ANAPC1: variants seen among roughly 807,000 people sequenced by gnomAD.
The protein encoded by ANAPC1 is anaphase promoting complex subunit 1.
In ANAPC1, 36 loss-of-function variants were observed where a neutral mutation model predicts 208.0. The observed-to-expected ratio is 0.17, with a 90% CI of 0.13 to 0.23. The LOEUF is 0.23. ANAPC1 is among the 10% of genes least tolerant of loss of function. The pLI is 1.00. For missense variants in ANAPC1, 942 were observed against 2,011.6 expected, an observed-to-expected ratio of 0.47 and a Z score of 10.17; for synonymous variants, 378 against 695.2, an observed-to-expected ratio of 0.54 and a Z score of 7.18.
At chr2:111,767,384 T>C (rs1321159620), downstream of ANAPC1, among the ~76,000 whole-genome samples, 1 of 150,918 alleles carries the variant, frequency 6.6e-6, no homozygotes, top group Non-Finnish European at 1.5e-5. Flanking sequence ...GTGAGAGCCA[T>C]ACCCTCAGGA....
chr2:111,824,738 T>C (rs1679736105), intron 24 of ANAPC1, among the ~76,000 whole-genome samples: 1 of 152,200 alleles, frequency 6.6e-6, no homozygotes, highest in Admixed American at 6.5e-5. Flanking sequence ...TCCAATTAAA[T>C]GGCAAATAAA....
At chr2:111,798,299 C>T (rs1461000796) in intron 34 of ANAPC1, among the ~76,000 whole-genome samples, 2 of 152,154 alleles carry the variant, frequency 1.3e-5, no homozygotes, top group Non-Finnish European at 2.9e-5. Flanking sequence ...ATGTATATAC[C>T]TGTGTTTACC....
Position 111,822,595 on chromosome 2 carries a change from T to G in ANAPC1, c.2818A>C (p.Thr940Pro). The change falls in exon 25 of 48, where the codon ACT becomes CCT. Residue 940 changes from threonine to proline, a missense_variant. Thr to Pro is a conservative substitution (Grantham distance 38). Coordinates refer to ENST00000341068, the MANE Select transcript of ANAPC1 (RefSeq NM_022662.4). ...LVVWMTNVGF[T>P]LRDLETLPFG... ...GGAAGAGTTTCCAAATCTCTTAAAGTGAATCCTAATGGTTAAAGGAAGAGA... is the reference window on the plus strand; with the variant it reads ...GGAAGAGTTTCCAAATCTCTTAAAGGGAATCCTAATGGTTAAAGGAAGAGA... 7.7e-7 allele frequency: 1 copy of G among 1,297,936 alleles called. No individual in the cohort carries two copies. The highest frequency in any genetic ancestry group is 1.1e-6 in the Non-Finnish European group (1 of 930,912). 80.4% of individuals were successfully genotyped at this position (1,297,936 alleles called of 1,614,324 possible). A position where few individuals can be genotyped will look rare whatever the true frequency, so the allele number is the denominator to read the frequency against.
intron 28 of ANAPC1, among the ~76,000 whole-genome samples, chr2:111,812,881 T>C (rs1412587910): frequency 2.6e-5 from 3 of 116,110 alleles, no homozygotes; most frequent in Non-Finnish European, 5.5e-5. Context: ...TCTCATTCTA[T>C]GACCGGCTGT....
chr2:111,837,604 C>A (rs1277088134), intron 18 of ANAPC1, among the ~76,000 whole-genome samples: 1 of 121,304 alleles, frequency 8.2e-6, no homozygotes, highest in Admixed American at 9.4e-5. Context: ...AGGCGAGACT[C>A]CGTCTCAAAA....
At position 111,850,815 on chromosome 2, in the gene ANAPC1, A is replaced by G; in HGVS notation, c.1611T>C (p.Thr537=). The G allele has an allele frequency of 1.2e-6, 2 of 1,611,980 alleles. No homozygotes were observed. The highest frequency in any genetic ancestry group is 4.5e-5 in the East Asian group (2 of 44,866). ...RPSTPLDGVS[T]PKPLSKLLGS... The stretch of plus-strand genomic sequence containing the variant: ...CAAGGAGTTTACTAAGAGGCTTTGG[A>G]GTACTAACGCCATCTAGTGGAGTAC... The change falls in exon 14 of 48, where the codon ACT becomes ACC. Residue 537 remains threonine (T), a synonymous_variant. Coordinates refer to ENST00000341068, the MANE Select transcript of ANAPC1 (RefSeq NM_022662.4).
chr2:111,845,771 G>A (rs1465668869), intron 16 of ANAPC1, among the ~76,000 whole-genome samples: 1 of 151,948 alleles, frequency 6.6e-6, no homozygotes, highest in Non-Finnish European at 1.5e-5. Flanking sequence ...TCAGGAGATC[G>A]AGACTATCCT....
chr2:111,767,697 G>A lies in ANAPC1; in HGVS notation c.*1594C>T, dbSNP rs1191976928. The A allele has an allele frequency of 1.6e-5, 2 of 125,756 alleles. No individual in the cohort carries two copies. Among genetic ancestry groups the A allele is most frequent in the East Asian group, 2.3e-4 (1 of 4,414 alleles). 7.8% of individuals were successfully genotyped at this position (125,756 alleles called of 1,614,324 possible). ...CACACAATCGTAAACAACGGAGAGTGAAGACAGTAACAACTGGTTTGATAT... is the reference window on the plus strand; with the variant it reads ...CACACAATCGTAAACAACGGAGAGTAAAGACAGTAACAACTGGTTTGATAT... On this transcript the variant is annotated 3_prime_UTR_variant, in exon 48 of 48. Coordinates refer to ENST00000341068, the MANE Select transcript of ANAPC1 (RefSeq NM_022662.4).
chr2:111,838,476 G>T lies in ANAPC1; in HGVS notation c.2077C>A (p.Pro693Thr). 1 of 1,606,280 alleles carries T rather than the reference G, an allele frequency of 6.2e-7. No homozygotes were observed. The highest frequency in any genetic ancestry group is 8.5e-7 in the Non-Finnish European group (1 of 1,177,652). ...FEGSLSPVIA[P>T]KKARPSETGS... ...GTCTCGGAAGGCCTTGCTTTTTTGG[G>T]CGCAATGACAGGAGAAAGTGATCCT... The change falls in exon 18 of 48, where the codon CCC becomes ACC. Residue 693 changes from proline to threonine, a missense_variant. Pro to Thr is a conservative substitution (Grantham distance 38). Coordinates refer to ENST00000341068, the MANE Select transcript of ANAPC1 (RefSeq NM_022662.4).
At chr2:111,770,201 T>TTATATATATATATA (rs3055943) in intron 47 of ANAPC1, among the ~76,000 whole-genome samples, 4 of 81,584 alleles carry the variant, frequency 4.9e-5, no homozygotes, top group Non-Finnish European at 6.9e-5. Flanking sequence ...TTGTTTAATT[T>TTATATATATATATA]TATATATATA....
intron 16 of ANAPC1, among the ~76,000 whole-genome samples, chr2:111,846,528 C>CATATACATATATATATATATATATAT (rs1681071682): frequency 1.0e-5 from 1 of 99,990 alleles, no homozygotes. Context: ...CATATATATA[C>CATATACATATATATATATATATATAT]ATATACATAT....
chr2:111,808,023 C>A (rs1403689442), intron 29 of ANAPC1, among the ~76,000 whole-genome samples: 1 of 146,662 alleles, frequency 6.8e-6, no homozygotes, highest in Non-Finnish European at 1.5e-5. Context: ...ATTATGGGTC[C>A]CAATCTTCAC....
chr2:111,846,995 C>A, intron 16 of ANAPC1, 143 bp downstream of exon 16: 1 of 649,890 alleles, frequency 1.5e-6, no homozygotes, highest in East Asian at 2.9e-5. Flanking sequence ...TCACAAAGCA[C>A]TCCCTAGCTC....
At chr2:111,824,723 A>T (rs187470655) in intron 24 of ANAPC1, among the ~76,000 whole-genome samples, 1 of 152,228 alleles carries the variant, frequency 6.6e-6, no homozygotes, top group East Asian at 1.9e-4. Context: ...CACAGCCTCA[A>T]ATGTTCCAAT....
intron 6 of ANAPC1, 32 bp downstream of exon 6, chr2:111,872,598 C>T: frequency 6.6e-7 from 1 of 1,513,844 alleles, no homozygotes; most frequent in Non-Finnish European, 9.2e-7. Context: ...AAATCCCAAG[C>T]AGTAATATTC....
chr2:111,843,234 G>A (rs1364818191), intron 17 of ANAPC1, among the ~76,000 whole-genome samples, 178 bp downstream of exon 17: 2 of 152,096 alleles, frequency 1.3e-5, no homozygotes, highest in African/African-American at 4.8e-5. Flanking sequence ...CTAGTAAAAT[G>A]TTAATATTAA....
At chr2:111,832,700 C>A (rs544608058) in intron 20 of ANAPC1, among the ~76,000 whole-genome samples, 1 of 151,972 alleles carries the variant, frequency 6.6e-6, no homozygotes, top group Admixed American at 6.6e-5. Context: ...GAGGCCGAGG[C>A]GGGTGGATCA....
At chr2:111,850,180 T>C (rs1252768828) in intron 14 of ANAPC1, among the ~76,000 whole-genome samples, 5 of 151,772 alleles carry the variant, frequency 3.3e-5, no homozygotes, top group African/African-American at 9.7e-5. Context: ...CTTGTACTTT[T>C]ATAAGTATTT....
intron 3 of ANAPC1, among the ~76,000 whole-genome samples, chr2:111,878,445 C>T (rs570093137): frequency 6.6e-6 from 1 of 152,206 alleles, no homozygotes; most frequent in African/African-American, 2.4e-5. Flanking sequence ...ATTATGAATC[C>T]CACGATTTTT....
Sources: gnomAD v4.1 joint callset for allele counts (sites outside exome capture counted in the v4.1 genomes callset) on GRCh38, gnomAD v4.1.1 for gene constraint, MANE v1.5 for transcripts, NCBI Gene and HGNC (gene_info 2026-07-23, HGNC 2026-07-21) for gene names.